Variants in GALK2 observed in about 807,000 individuals in gnomAD.
GALK2 encodes galactokinase 2, also known as N-acetylgalactosamine kinase.
In GALK2, 36 loss-of-function variants were observed where a neutral mutation model predicts 52.4. The observed-to-expected ratio is 0.69, with a 90% CI of 0.53 to 0.91. GALK2 has a LOEUF of 0.91. Among genes scored for constraint, GALK2 ranks in the 40% least tolerant of loss-of-function variants. The pLI is 0.00. For missense variants in GALK2, 579 were observed against 559.1 expected, an observed-to-expected ratio of 1.04 and a Z score of -0.36; for synonymous variants, 176 against 199.1, an observed-to-expected ratio of 0.88 and a Z score of 0.98.
At chr15:49,340,059 G>T (rs9806776) in intron 3 of GALK2, among the ~76,000 whole-genome samples, 61,729 of 152,042 alleles carry the variant, frequency 0.41, 12,627 homozygotes, top group Non-Finnish European at 0.42. Context: ...GGGCTCAGTG[G>T]GGGTGGGACC....
At chr15:49,299,735 T>TTTCTTTCTTTCTTTTCTTTC (rs1347140534) in intron 8 of GALK2, among the ~76,000 whole-genome samples, 3 of 77,526 alleles carry the variant, frequency 3.9e-5, no homozygotes, top group African/African-American at 1.7e-4. Context: ...TCTTTCTTTC[T>TTTCTTTCTTTCTTTTCTTTC]TTTCTTTCTT....
intron 3 of GALK2, among the ~76,000 whole-genome samples, chr15:49,362,275 T>C (rs1051413151): frequency 6.6e-6 from 1 of 152,122 alleles, no homozygotes; most frequent in East Asian, 1.9e-4. Context: ...TCTCATGAGA[T>C]ACGCTGGCTT....
intron 2 of GALK2, among the ~76,000 whole-genome samples, chr15:49,212,690 ATCTGTTG>A (rs2089021551): frequency 6.6e-6 from 1 of 151,712 alleles, no homozygotes. Flanking sequence ...GGAGATTTTG[ATCTGTTG>A]TCTTTTCACT....
intron 3 of GALK2, among the ~76,000 whole-genome samples, chr15:49,231,225 G>A (rs956920850): frequency 7.9e-5 from 12 of 152,196 alleles, no homozygotes; most frequent in Non-Finnish European, 1.6e-4. Flanking sequence ...GGAAAGCAAA[G>A]GAGAAGCAGG....
chr15:49,168,718 TAAA>T (rs35361227), upstream of GALK2, among the ~76,000 whole-genome samples: 3 of 136,598 alleles, frequency 2.2e-5, no homozygotes, highest in East Asian at 2.1e-4. Context: ...AAACTCCATC[TAAA>T]AAAAAAAAAA....
chr15:49,307,701 C>A (rs576890497), intron 8 of GALK2, among the ~76,000 whole-genome samples: 1 of 152,144 alleles, frequency 6.6e-6, no homozygotes, highest in African/African-American at 2.4e-5. Context: ...ATGGAACAGA[C>A]CTTGAAGGCT....
At chr15:49,192,491 A>ATATATATATATATATG (rs2086822258) in intron 1 of GALK2, among the ~76,000 whole-genome samples, 198 of 25,324 alleles carry the variant, frequency 7.8e-3, no homozygotes, top group African/African-American at 0.022. Context: ...ATATGTATAT[A>ATATATATATATATATG]TATATATATA....
intron 2 of GALK2, among the ~76,000 whole-genome samples, chr15:49,203,215 T>A (rs1163884058): frequency 4.6e-5 from 7 of 152,088 alleles, no homozygotes; most frequent in African/African-American, 7.2e-5. Flanking sequence ...CATGCCCAGG[T>A]AATTTTTGTA....
At position 49,233,182 on chromosome 15, in the gene GALK2, C is replaced by G. The variant is rs1373173565; in HGVS notation, c.267-2669C>G. Among the ~76,000 whole-genome samples the G allele has an allele frequency of 3.3e-5, 5 of 152,294 alleles. No homozygotes were observed. In the East Asian group the frequency reaches 9.7e-4, roughly 29 times the overall value. On this transcript the variant is annotated intron_variant, in intron 3 of 9. Transcript: ENST00000560031. ...ACAGGAAGCATGGCTAGGGAGGCCT[C>G]AGGAAACTTACAAGCATGGTGGAAG...
chr15:49,244,848 CAAA>C (rs200000331), intron 5 of GALK2, among the ~76,000 whole-genome samples: 1 of 149,238 alleles, frequency 6.7e-6, no homozygotes, highest in African/African-American at 2.5e-5. Context: ...ATCAGTAAAA[CAAA>C]AAAAAAGCCA....
chr15:49,191,236 T>C (rs374718851), intron 1 of GALK2, among the ~76,000 whole-genome samples: 68 of 152,284 alleles, frequency 4.5e-4, no homozygotes, highest in African/African-American at 1.5e-3. Context: ...AACATCAGGC[T>C]ACTTAGGTTA....
intron 9 of GALK2, among the ~76,000 whole-genome samples, chr15:49,323,946 T>C (rs1302882532): frequency 2.0e-5 from 3 of 152,244 alleles, no homozygotes; most frequent in African/African-American, 7.2e-5. Flanking sequence ...TGCTGAATTA[T>C]AAAGTATCTT....
chr15:49,338,322 G>A (rs998041538), intron 3 of GALK2, among the ~76,000 whole-genome samples: 2 of 152,128 alleles, frequency 1.3e-5, no homozygotes, highest in Admixed American at 1.3e-4. Context: ...GGCAGGCCTG[G>A]TGGTGACAAA....
intron 5 of GALK2, among the ~76,000 whole-genome samples, chr15:49,279,439 G>A (rs1283607810): frequency 6.6e-6 from 1 of 152,122 alleles, no homozygotes; most frequent in East Asian, 1.9e-4. Context: ...TCTCCATTTT[G>A]CAGGGACTGG....
intron 3 of GALK2, among the ~76,000 whole-genome samples, chr15:49,351,542 T>C (rs1156790676): frequency 2.0e-5 from 3 of 152,224 alleles, no homozygotes; most frequent in South Asian, 4.1e-4. Context: ...AATCAATGGA[T>C]TGTTTTCTCT....
At chr15:49,347,880 G>A (rs932546564) in intron 3 of GALK2, among the ~76,000 whole-genome samples, 6 of 151,924 alleles carry the variant, frequency 3.9e-5, no homozygotes, top group East Asian at 1.9e-4. Context: ...TTAGCTGGGC[G>A]TGGTGGCAGA....
At chr15:49,299,740 TTTC>T (rs869115120) in intron 8 of GALK2, among the ~76,000 whole-genome samples, 6,464 of 93,308 alleles carry the variant, frequency 0.069, 153 homozygotes, top group Middle Eastern at 0.12. Flanking sequence ...CTTTCTTTTC[TTTC>T]TTTCTTTCTT....
chr15:49,251,941 A>G (rs1272246836), intron 5 of GALK2, among the ~76,000 whole-genome samples: 2 of 152,108 alleles, frequency 1.3e-5, no homozygotes, highest in Non-Finnish European at 2.9e-5. Context: ...CCCTTTTTGT[A>G]AAACACCCAG....
At chr15:49,171,516 T>C (rs763730098) in intron 1 of GALK2, among the ~76,000 whole-genome samples, 1 of 152,196 alleles carries the variant, frequency 6.6e-6, no homozygotes, top group Non-Finnish European at 1.5e-5. Flanking sequence ...AACTTGAAAA[T>C]GTTCTTTCAT....
Sources: allele counts gnomAD v4.1 joint callset (sites outside exome capture counted in the v4.1 genomes callset), GRCh38; gene constraint gnomAD v4.1.1; transcripts MANE v1.5; gene names NCBI Gene and HGNC (gene_info 2026-07-23, HGNC 2026-07-21).